Variants in MAN2A1 observed in about 807,000 individuals in gnomAD.
MAN2A1 encodes the protein mannosidase alpha class 2A member 1.
In MAN2A1, 76 loss-of-function variants were observed where a neutral mutation model predicts 142.6. The ratio of observed to expected loss-of-function variants is 0.53; its 90% CI spans 0.44 to 0.65. The LOEUF is 0.65. Ranked by LOEUF, MAN2A1 falls within the 30% of genes least tolerant of loss-of-function variation. The probability of loss-of-function intolerance (pLI) is 0.00; values close to 1 mark genes in which losing one functional copy is unlikely to be tolerated. For missense variants in MAN2A1, 1,311 were observed against 1,365.1 expected (o/e 0.96, Z 0.62); for synonymous variants, 559 against 473.2 (o/e 1.18, Z -2.35).
chr5:109,760,170 G>C (rs1490027641), intron 5 of MAN2A1, among the ~76,000 whole-genome samples: 2 of 151,986 alleles, frequency 1.3e-5, no homozygotes, highest in Non-Finnish European at 2.9e-5. Flanking sequence ...TGTGTGTCGT[G>C]TTCCCCTCTC....
At chr5:109,709,754 T>C (rs1751243448) in intron 1 of MAN2A1, among the ~76,000 whole-genome samples, 1 of 152,200 alleles carries the variant, frequency 6.6e-6, no homozygotes, top group Admixed American at 6.5e-5. Flanking sequence ...TCAAATATCA[T>C]GACCTCCTTC....
chr5:109,816,913 C>A (rs575487501), intron 12 of MAN2A1, among the ~76,000 whole-genome samples: 1 of 152,154 alleles, frequency 6.6e-6, no homozygotes, highest in African/African-American at 2.4e-5. Context: ...ATTGCCTGTT[C>A]TCTGAAAGTT....
intron 1 of MAN2A1, among the ~76,000 whole-genome samples, chr5:109,708,645 G>A (rs1016351874): frequency 3.4e-4 from 51 of 152,014 alleles, no homozygotes; most frequent in African/African-American, 1.2e-3. Context: ...AACCAGAGAA[G>A]CTGGTAGCAG....
intron 6 of MAN2A1, among the ~76,000 whole-genome samples, chr5:109,768,696 T>C (rs912353523): frequency 2.0e-5 from 3 of 152,246 alleles, no homozygotes; most frequent in African/African-American, 7.2e-5. Flanking sequence ...AACTTTCTTA[T>C]ATGTACTCCT....
chr5:109,749,832 T>C (rs1752500019), intron 4 of MAN2A1, among the ~76,000 whole-genome samples: 1 of 152,100 alleles, frequency 6.6e-6, no homozygotes, highest in Non-Finnish European at 1.5e-5. Flanking sequence ...TGTTGAACAC[T>C]GTGAATGGAA....
intron 19 of MAN2A1, among the ~76,000 whole-genome samples, chr5:109,852,122 T>A (rs567370180): frequency 1.4e-5 from 2 of 144,150 alleles, no homozygotes; most frequent in East Asian, 4.4e-4. Context: ...ATGAATTTTT[T>A]ATTAAAGAGT....
At chr5:109,702,216 A>G (rs939265229) in intron 1 of MAN2A1, among the ~76,000 whole-genome samples, 1 of 152,234 alleles carries the variant, frequency 6.6e-6, no homozygotes. Flanking sequence ...GAAGGATTTC[A>G]AAGAAGCGTT....
intron 12 of MAN2A1, among the ~76,000 whole-genome samples, chr5:109,796,198 C>T (rs925714026): frequency 3.9e-5 from 6 of 152,040 alleles, no homozygotes; most frequent in Admixed American, 6.6e-5. Context: ...ATATAGAAGC[C>T]GGCTGCACTC....
chr5:109,746,023 T>C (rs997373711), intron 4 of MAN2A1, among the ~76,000 whole-genome samples: 1 of 152,232 alleles, frequency 6.6e-6, no homozygotes, highest in Non-Finnish European at 1.5e-5. Flanking sequence ...TTGCCTAGGC[T>C]GAGTGCAGTA....
At chr5:109,789,315 G>T in intron 11 of MAN2A1, 145 bp from the exon 12 acceptor site, 1 of 551,000 alleles carries the variant, frequency 1.8e-6, no homozygotes, top group South Asian at 3.2e-5. Flanking sequence ...GTTTTGCTTG[G>T]CTTTAATTAG....
intron 15 of MAN2A1, among the ~76,000 whole-genome samples, chr5:109,822,101 C>G (rs1754639531): frequency 6.6e-6 from 1 of 150,404 alleles, no homozygotes; most frequent in South Asian, 2.1e-4. Flanking sequence ...ATTGTGTAGG[C>G]TACAGTAAGG....
chr5:109,862,304 C>G (rs528732008), intron 20 of MAN2A1: 3 of 152,166 alleles, frequency 2.0e-5, no homozygotes, highest in Non-Finnish European at 4.4e-5. Flanking sequence ...CCATACTCCA[C>G]CAAGTTGCTG....
rs534500257 is a variant in MAN2A1, at chr5:109,773,869, A to G, written c.1197-919A>G. Among the ~76,000 whole-genome samples, 5 of 152,300 alleles carry G rather than the reference A, an allele frequency of 3.3e-5. No homozygotes were observed. The South Asian group carries it at 1.0e-3, about 32-fold the overall frequency. On this transcript the variant is annotated intron_variant, in intron 7 of 21. Coordinates refer to ENST00000261483, the MANE Select transcript of MAN2A1 (RefSeq NM_002372.4). ...ATGATCCTTGAAGTGAAAATTATAAAAATACTTGTCGTTTAATCACTGATT... is the reference window on the plus strand; with the variant it reads ...ATGATCCTTGAAGTGAAAATTATAAGAATACTTGTCGTTTAATCACTGATT...
At chr5:109,744,083 C>G (rs909817103) in intron 4 of MAN2A1, among the ~76,000 whole-genome samples, 1 of 152,098 alleles carries the variant, frequency 6.6e-6, no homozygotes, top group African/African-American at 2.4e-5. Context: ...ATTTTTAACA[C>G]TCAGCTGAAA....
intron 12 of MAN2A1, among the ~76,000 whole-genome samples, chr5:109,809,246 A>C (rs1754255577): frequency 6.6e-6 from 1 of 152,172 alleles, no homozygotes. Flanking sequence ...TTTAGTATTT[A>C]CATAGAAAAG....
At chr5:109,865,591 G>A (rs75268520) in intron 21 of MAN2A1, among the ~76,000 whole-genome samples, 408 of 152,302 alleles carry the variant, frequency 2.7e-3, no homozygotes, top group Middle Eastern at 6.8e-3. Context: ...TGAGACTGTA[G>A]GCTAGTGGGA....
intron 4 of MAN2A1, among the ~76,000 whole-genome samples, chr5:109,740,025 G>T (rs1408958504): frequency 2.6e-5 from 4 of 152,188 alleles, no homozygotes. Context: ...TAAGATCCCT[G>T]TGTTCCCTGC....
rs1283085661 is a variant in MAN2A1, at chr5:109,713,698, C to T, written c.314C>T (p.Ser105Leu). The T allele has an allele frequency of 6.2e-7, 1 of 1,614,182 alleles. No individual in the cohort carries two copies. The highest frequency in any genetic ancestry group is 2.2e-5 in the East Asian group (1 of 44,886). The change falls in exon 2 of 22, where the codon TCA becomes TTA. Residue 105 changes from serine (S) to leucine (L), a missense_variant. Ser to Leu is a moderately radical substitution (Grantham distance 145, BLOSUM62 -2). Around this residue, in one of 3 missense-constraint regions of MAN2A1, gnomAD observed 409 missense variants for 412.7 expected, o/e 0.99. Transcript: ENST00000261483. ...GGTGCTGGCTCACATCTTCTGCCCT[C>T]ACAATTATCCCTCTCAGTTGACACT... is the stretch of plus-strand genomic sequence containing the variant. ...SQGAGSHLLP[S>L]QLSLSVDTAD...
intron 4 of MAN2A1, among the ~76,000 whole-genome samples, chr5:109,746,700 A>T (rs1377517197): frequency 6.6e-6 from 1 of 151,176 alleles, no homozygotes; most frequent in African/African-American, 2.4e-5. Flanking sequence ...TGCAGCTGTT[A>T]CTACCATCCA....
Sources: allele counts gnomAD v4.1 joint callset (sites outside exome capture counted in the v4.1 genomes callset), GRCh38; gene constraint gnomAD v4.1.1; regional missense constraint gnomAD v4.1.1; transcripts MANE v1.5; gene names NCBI Gene and HGNC (gene_info 2026-07-23, HGNC 2026-07-21).